Variants in DZIP1 observed in about 807,000 individuals in gnomAD.
The protein encoded by DZIP1 is cilium assembly protein DZIP1.
DZIP1 carries 97 observed loss-of-function variants against 107.6 expected under a neutral mutation model. The ratio of observed to expected loss-of-function variants is 0.90; its 90% CI spans 0.77 to 1.07. The LOEUF is 1.07. Among genes scored for constraint, DZIP1 ranks in the 50% least tolerant of loss-of-function variants. The probability of loss-of-function intolerance (pLI) is 0.00; values close to 1 mark genes in which losing one functional copy is unlikely to be tolerated. For synonymous variants in DZIP1, 390 were observed against 386.4 expected (o/e 1.01, Z -0.11); for missense variants, 1,035 against 1,063.6 (o/e 0.97, Z 0.37).
At chr13:95,627,087 G>A (rs1294061114) in intron 7 of DZIP1, among the ~76,000 whole-genome samples, 3 of 152,162 alleles carry the variant, frequency 2.0e-5, no homozygotes. Context: ...GTTGGAAGAT[G>A]CACACTTATC....
intron 9 of DZIP1, among the ~76,000 whole-genome samples, chr13:95,621,874 C>T (rs965263110): frequency 2.0e-5 from 3 of 151,850 alleles, no homozygotes; most frequent in East Asian, 3.9e-4. Flanking sequence ...TCTGCTACCA[C>T]GCCCAGTTAA....
chr13:95,599,335 G>T, intron 15 of DZIP1, 30 bp downstream of exon 15: 1 of 1,591,888 alleles, frequency 6.3e-7, no homozygotes, highest in Non-Finnish European at 8.6e-7. Flanking sequence ...TATAATCTGT[G>T]CAGGTAAACC....
intron 7 of DZIP1, 70 bp downstream of exon 7, chr13:95,629,919 A>G (rs1876992379): frequency 1.3e-5 from 19 of 1,477,960 alleles, no homozygotes; most frequent in Non-Finnish European, 1.7e-5. Flanking sequence ...TCTGTTTATT[A>G]GAGTCCATGG....
Position 95,641,802 on chromosome 13 carries a change from G to C in DZIP1, c.90C>G (p.Asp30Glu). Reference sequence around the variant, plus strand: ...CCGCGGCGGCGGCGGCCACAGCGACGTCGGGCCCCTCTGGGCCGCTGGCGA... The same window carrying C: ...CCGCGGCGGCGGCGGCCACAGCGACCTCGGGCCCCTCTGGGCCGCTGGCGA... The part of the protein sequence containing the change: ...YPLASGPEGP[D>E]VAVAAAAAGA... Residue 30 changes from aspartate (D) to glutamate (E), a missense_variant, in exon 5 of 23, where the codon GAC becomes GAG. By Grantham distance (45) the Asp-to-Glu change is conservative (BLOSUM62 2). Transcript: ENST00000376829. The surrounding 1 kb of genome is among the most constrained non-coding windows in gnomAD (Gnocchi z 4.3). 1 of 1,497,416 alleles carries C rather than the reference G, an allele frequency of 6.7e-7. No individual in the cohort carries two copies. The highest frequency in any genetic ancestry group is 8.8e-7 in the Non-Finnish European group (1 of 1,132,276). The allele number at this position is 1,497,416 out of a possible 1,614,324, so 92.8% of individuals were successfully genotyped here. A position where few individuals can be genotyped will look rare whatever the true frequency, so the allele number is the denominator to read the frequency against.
chr13:95,594,158 T>C (rs1345322473), intron 15 of DZIP1, 72 bp from the exon 16 acceptor site: 1 of 1,278,226 alleles, frequency 7.8e-7, no homozygotes, highest in Admixed American at 2.5e-5. Context: ...AAGCAGAAAA[T>C]GGCAAACCAC....
intron 12 of DZIP1, among the ~76,000 whole-genome samples, chr13:95,610,261 A>G (rs1398234425): frequency 6.6e-6 from 1 of 151,986 alleles, no homozygotes; most frequent in African/African-American, 2.4e-5. Flanking sequence ...GCCACAGTTG[A>G]GAATAACGCA....
intron 13 of DZIP1, among the ~76,000 whole-genome samples, chr13:95,608,343 T>C (rs2044850625): frequency 6.6e-6 from 1 of 151,682 alleles, no homozygotes; most frequent in African/African-American, 2.4e-5. Context: ...GGATGAGATT[T>C]ATTAATATAT....
In DZIP1 at chr13:95,626,941, C is replaced by T. The variant is rs538990629; in HGVS notation, c.811-2012G>A. Among the ~76,000 whole-genome samples, 373 of 152,288 alleles carry T rather than the reference C, an allele frequency of 2.4e-3. 1 individual carries two copies. The highest frequency in any genetic ancestry group is 8.7e-3 in the African/African-American group (360 of 41,558). Reference sequence around the variant, plus strand: ...AATATGGTTAAAATGGCAATACTCTCCTAAGCAATCAAGAGATTCAATGTA... The same window carrying T: ...AATATGGTTAAAATGGCAATACTCTTCTAAGCAATCAAGAGATTCAATGTA... On this transcript the variant is annotated intron_variant, in intron 7 of 22. Coordinates refer to ENST00000376829, the MANE Select transcript of DZIP1 (RefSeq NM_198968.4).
chr13:95,598,111 G>A (rs567332915), intron 15 of DZIP1, among the ~76,000 whole-genome samples: 1 of 152,242 alleles, frequency 6.6e-6, no homozygotes, highest in East Asian at 1.9e-4. Flanking sequence ...AGTTTTTATG[G>A]CTTTATGTAA....
chr13:95,582,647 G>A (rs2044040659), intron 22 of DZIP1, among the ~76,000 whole-genome samples: 3 of 152,198 alleles, frequency 2.0e-5, no homozygotes, highest in African/African-American at 4.8e-5. Context: ...GTACATTTGT[G>A]TTGTAGTTAC....
Position 95,610,105 on chromosome 13 carries a change from T to TGA in DZIP1, c.1364-593_1364-592insTC, listed in dbSNP as rs1214599623. On this transcript the variant is annotated intron_variant, in intron 12 of 22. Transcript: ENST00000376829. ...GTGTGTGTGTGTGTGTGTGTGTGTG[T>TGA]GTGTGTGAGAGAGAGACAGAGAGAG... Among the ~76,000 whole-genome samples, 147 of 119,122 alleles carry TGA rather than the reference T, an allele frequency of 1.2e-3. 7 individuals carry two copies. Among genetic ancestry groups the TGA allele is most frequent in the East Asian group, 0.012 (49 of 4,094 alleles). 78.1% of individuals were successfully genotyped at this position (119,122 alleles called of 152,430 possible). A position where few individuals can be genotyped will look rare whatever the true frequency, so the allele number is the denominator to read the frequency against.
chr13:95,600,918 C>T lies in DZIP1; in HGVS notation c.1478-1494G>A, dbSNP rs1354872187. Among the ~76,000 whole-genome samples, 3 of 152,062 alleles carry T rather than the reference C, an allele frequency of 2.0e-5. No individual in the cohort carries two copies. The East Asian group carries it at 5.8e-4, about 29-fold the overall frequency. On this transcript the variant is annotated intron_variant, in intron 14 of 22. Transcript: ENST00000376829. ...AGCATCAAGATTTTTAAAAATTATA[C>T]AAATAGGCTATATTACTAGTTTGAA...
chr13:95,612,299 G>T, intron 10 of DZIP1, 122 bp from the exon 11 acceptor site: 1 of 1,107,296 alleles, frequency 9.0e-7, no homozygotes, highest in Non-Finnish European at 1.3e-6. Flanking sequence ...TGCGCATCAA[G>T]TCGTTGAATA....
chr13:95,619,767 T>C (rs533785412), intron 10 of DZIP1, 118 bp downstream of exon 10: 8 of 934,848 alleles, frequency 8.6e-6, no homozygotes, highest in Admixed American at 7.0e-5. Flanking sequence ...AATTTTAATT[T>C]TGCTACACAT....
chr13:95,593,920 T>C (rs1347012001), intron 16 of DZIP1, 24 bp downstream of exon 16: 36 of 1,580,922 alleles, frequency 2.3e-5, no homozygotes, highest in Non-Finnish European at 2.9e-5. Context: ...AACTAACAAA[T>C]ATTCCAAAAA....
At chr13:95,589,013 C>G in intron 19 of DZIP1, 141 bp downstream of exon 19, 2 of 756,852 alleles carry the variant, frequency 2.6e-6, no homozygotes, top group South Asian at 3.3e-5. Context: ...TCACAAATAA[C>G]ATATCACAAA....
intron 15 of DZIP1, among the ~76,000 whole-genome samples, chr13:95,597,739 A>T (rs916931833): frequency 6.6e-6 from 1 of 152,210 alleles, no homozygotes; most frequent in Non-Finnish European, 1.5e-5. Context: ...GTATTGTGGC[A>T]CAAAGCAAAT....
intron 17 of DZIP1, 139 bp downstream of exon 17, chr13:95,590,139 GA>G (rs1426445926): frequency 1.9e-6 from 2 of 1,047,586 alleles, no homozygotes; most frequent in Non-Finnish European, 2.7e-6. Flanking sequence ...AACAGTAAAA[GA>G]GTTGCCAGTG....
At position 95,594,025 on chromosome 13, in the gene DZIP1, A is replaced by G; in HGVS notation, c.1599T>C (p.Ser533=). 6.2e-7 allele frequency: 1 copy of G among 1,611,460 alleles called. No individual in the cohort carries two copies. Among genetic ancestry groups the G allele is most frequent in the South Asian group, 1.1e-5 (1 of 90,604 alleles). Residue 533 remains serine, a synonymous_variant, in exon 16 of 23, where the codon AGT becomes AGC. Coordinates refer to ENST00000376829, the MANE Select transcript of DZIP1 (RefSeq NM_198968.4). ...NKMHLRKALK[S]NSSLTKGLRT... ...TTAGTCCCTTAGTGAGGGAGGAGTT[A>G]CTCTTCAAAGCTTTCCTTAAATGCA...
Sources: gnomAD v4.1 joint callset for allele counts (sites outside exome capture counted in the v4.1 genomes callset) on GRCh38, gnomAD v4.1.1 for gene constraint, Gnocchi (gnomAD v3.1) non-coding constraint, MANE v1.5 for transcripts, NCBI Gene and HGNC (gene_info 2026-07-23, HGNC 2026-07-21) for gene names.